The following PAM variants were observed in gnomAD, a reference collection of about 807,000 sequenced individuals.
PAM encodes the protein peptidylglycine alpha-amidating monooxygenase, also known as peptidyl-glycine alpha-amidating monooxygenase.
PAM carries 72 observed loss-of-function variants against 122.1 expected under a neutral mutation model. The ratio of observed to expected loss-of-function variants is 0.59; its 90% CI spans 0.49 to 0.72. PAM has a LOEUF of 0.72. Ranked by LOEUF, PAM falls within the 30% of genes least tolerant of loss-of-function variation. The pLI, the probability that PAM is intolerant of heterozygous loss-of-function variation, is 0.00. For synonymous variants in PAM, 389 were observed against 404.4 expected, an observed-to-expected ratio of 0.96 and a Z score of 0.46; for missense variants, 1,106 against 1,183.7, an observed-to-expected ratio of 0.93 and a Z score of 0.96.
chr5:103,025,057 C>A, intron 23 of PAM, 74 bp from the exon 24 acceptor site: 1 of 983,732 alleles, frequency 1.0e-6, no homozygotes, highest in Non-Finnish European at 1.6e-6. Flanking sequence ...ATTGATTTGA[C>A]TGGGTAGGGG....
intron 16 of PAM, among the ~76,000 whole-genome samples, chr5:102,994,970 C>T (rs1775232609): frequency 6.6e-6 from 1 of 152,102 alleles, no homozygotes; most frequent in Admixed American, 6.6e-5. Flanking sequence ...CTTCTTCCCT[C>T]CTCCCCCCAG....
chr5:102,801,343 C>A (rs1215352606), intron 1 of PAM, among the ~76,000 whole-genome samples: 1 of 152,138 alleles, frequency 6.6e-6, no homozygotes, highest in Non-Finnish European at 1.5e-5. Flanking sequence ...TCACAGCCCG[C>A]AGATTATAGG....
chr5:102,823,864 G>A (rs2150348937), intron 1 of PAM, among the ~76,000 whole-genome samples: 1 of 152,202 alleles, frequency 6.6e-6, no homozygotes, highest in Admixed American at 6.5e-5. Flanking sequence ...GTCACAGAAA[G>A]GGAACTAACT....
At chr5:102,788,581 A>T (rs942002543) in intron 1 of PAM, among the ~76,000 whole-genome samples, 2 of 152,174 alleles carry the variant, frequency 1.3e-5, no homozygotes, top group Non-Finnish European at 2.9e-5. Context: ...ATAATTTTAA[A>T]AAGCACAAAG....
At chr5:102,949,123 G>A (rs1757960789) in intron 9 of PAM, among the ~76,000 whole-genome samples, 2 of 152,182 alleles carry the variant, frequency 1.3e-5, no homozygotes, top group Middle Eastern at 3.4e-3. Context: ...GGAAGGAACA[G>A]TATGAAATGG....
intron 1 of PAM, among the ~76,000 whole-genome samples, chr5:102,831,705 G>A (rs1775505019): frequency 6.6e-6 from 1 of 152,112 alleles, no homozygotes; most frequent in South Asian, 2.1e-4. Flanking sequence ...TTGGCACACA[G>A]TAAATTTCTA....
chr5:102,800,998 A>G (rs551281230), intron 1 of PAM, among the ~76,000 whole-genome samples: 3 of 152,280 alleles, frequency 2.0e-5, no homozygotes, highest in African/African-American at 7.2e-5. Flanking sequence ...ATATATAAGT[A>G]TATATATTTT....
chr5:102,774,423 C>A (rs1405893112), intron 1 of PAM, among the ~76,000 whole-genome samples: 1 of 152,002 alleles, frequency 6.6e-6, no homozygotes, highest in East Asian at 1.9e-4. Flanking sequence ...GACTACCTTG[C>A]CTTCGAATGT....
intron 1 of PAM, among the ~76,000 whole-genome samples, chr5:102,790,579 A>G (rs1040537274): frequency 2.6e-5 from 4 of 152,078 alleles, no homozygotes; most frequent in Admixed American, 6.5e-5. Context: ...GAGCTTCTTC[A>G]TATGGTATTA....
intron 1 of PAM, among the ~76,000 whole-genome samples, chr5:102,860,643 G>A (rs1032195962): frequency 1.3e-5 from 2 of 151,776 alleles, no homozygotes; most frequent in Non-Finnish European, 2.9e-5. Context: ...CTAAGATCAT[G>A]CCACTGTACT....
At chr5:102,827,160 A>G (rs1773906631) in intron 1 of PAM, among the ~76,000 whole-genome samples, 4 of 152,200 alleles carry the variant, frequency 2.6e-5, no homozygotes, top group Admixed American at 2.6e-4. Context: ...ATTTCCCTGG[A>G]TGGACAATAT....
At chr5:102,795,694 G>A (rs1763226353) in intron 1 of PAM, among the ~76,000 whole-genome samples, 3 of 152,198 alleles carry the variant, frequency 2.0e-5, no homozygotes, top group African/African-American at 7.2e-5. Flanking sequence ...TGGTTGGTGT[G>A]AGAGAAAAAT....
intron 1 of PAM, among the ~76,000 whole-genome samples, chr5:102,800,310 A>T (rs1041853270): frequency 6.6e-6 from 1 of 152,166 alleles, no homozygotes; most frequent in Non-Finnish European, 1.5e-5. Flanking sequence ...TCCCCCATCC[A>T]GTCAGTCTCT....
At chr5:102,942,329 A>C (rs1755532398) in intron 7 of PAM, among the ~76,000 whole-genome samples, 1 of 152,092 alleles carries the variant, frequency 6.6e-6, no homozygotes, top group Admixed American at 6.6e-5. Flanking sequence ...TAATGTTATT[A>C]ATTTAGAACA....
chr5:102,950,570 A>G (rs1758530518), intron 11 of PAM, 147 bp from the exon 12 acceptor site: 1 of 581,322 alleles, frequency 1.7e-6, no homozygotes, highest in Non-Finnish European at 3.1e-6. Context: ...ATGGATGCTG[A>G]AAAAGCATTT....
intron 3 of PAM, among the ~76,000 whole-genome samples, chr5:102,868,133 A>G (rs1386538405): frequency 2.0e-5 from 3 of 152,226 alleles, no homozygotes; most frequent in Non-Finnish European, 4.4e-5. Context: ...GCAGGGATTT[A>G]TGTGTGTCAT....
intron 1 of PAM, among the ~76,000 whole-genome samples, chr5:102,811,540 C>T (rs1022761821): frequency 3.3e-5 from 5 of 152,092 alleles, no homozygotes; most frequent in Non-Finnish European, 7.4e-5. Context: ...GTTTTAAGAC[C>T]CTTAAACTTA....
At chr5:103,025,026 A>T (rs1784556932) in intron 23 of PAM, 105 bp from the exon 24 acceptor site, 2 of 760,746 alleles carry the variant, frequency 2.6e-6, no homozygotes, top group Non-Finnish European at 4.4e-6. Context: ...ACTGGAGTCA[A>T]CAAGTTCTTT....
At chr5:102,803,935 C>A (rs1765548190) in intron 1 of PAM, among the ~76,000 whole-genome samples, 1 of 151,872 alleles carries the variant, frequency 6.6e-6, no homozygotes, top group Admixed American at 6.6e-5. Flanking sequence ...GTTAAGAACA[C>A]CGAAAATTCT....
Sources: gnomAD v4.1 joint callset for allele counts (sites outside exome capture counted in the v4.1 genomes callset) on GRCh38, gnomAD v4.1.1 for gene constraint, MANE v1.5 for transcripts, NCBI Gene and HGNC (gene_info 2026-07-23, HGNC 2026-07-21) for gene names.